MAGI1: variants seen among roughly 807,000 people sequenced by gnomAD.
The protein encoded by MAGI1 is membrane-associated guanylate kinase, WW and PDZ domain-containing protein 1.
In MAGI1, 58 loss-of-function variants were observed where a neutral mutation model predicts 139.9. That is an observed-to-expected ratio of 0.41 (90% confidence interval 0.34 to 0.52). MAGI1 has a LOEUF of 0.52. MAGI1 is among the 20% of genes least tolerant of loss of function. The pLI is 0.12. For missense variants in MAGI1, 1,874 were observed against 1,901.6 expected, an observed-to-expected ratio of 0.99 and a Z score of 0.27; for synonymous variants, 812 against 737.9, an observed-to-expected ratio of 1.10 and a Z score of -1.63.
At chr3:65,642,246 G>T (rs1441176149) in intron 1 of MAGI1, among the ~76,000 whole-genome samples, 1 of 152,104 alleles carries the variant, frequency 6.6e-6, no homozygotes, top group African/African-American at 2.4e-5. Flanking sequence ...ACCTCAAAAG[G>T]TTTCTTCAAG....
intron 1 of MAGI1, among the ~76,000 whole-genome samples, chr3:66,019,974 T>C (rs891022283): frequency 6.6e-6 from 1 of 152,210 alleles, no homozygotes; most frequent in African/African-American, 2.4e-5. Flanking sequence ...AGATAAGGAC[T>C]GACCCCACCC....
intron 1 of MAGI1, among the ~76,000 whole-genome samples, chr3:65,710,857 A>G (rs961964461): frequency 2.6e-5 from 4 of 152,130 alleles, no homozygotes; most frequent in African/African-American, 9.7e-5. Context: ...TGCTTTCCCA[A>G]TGCCCATTGA....
rs111795430 is a variant in MAGI1 at position 65,930,269 on chromosome 3, T to C, written c.313+107727A>G. ...AGGCGGAGCTTGCAGTGAGCCGAGA[T>C]AGCGCCACTGCACTCCAGCCTGGGC... On this transcript the variant is annotated intron_variant, in intron 1 of 22. Transcript: ENST00000402939. Among the ~76,000 whole-genome samples the C allele has an allele frequency of 5.5e-3, 709 of 129,644 alleles. 3 individuals are homozygous for C. The highest frequency in any genetic ancestry group is 0.02 in the African/African-American group (667 of 33,846). The allele number at this position is 129,644 out of a possible 152,430, so 85.1% of individuals were successfully genotyped here. A position where few individuals can be genotyped will look rare whatever the true frequency, so the allele number is the denominator to read the frequency against.
intron 1 of MAGI1, among the ~76,000 whole-genome samples, chr3:65,680,792 TGATA>T (rs1311531110): frequency 4.4e-5 from 6 of 136,848 alleles, no homozygotes; most frequent in East Asian, 3.9e-4. Context: ...TGATATGATA[TGATA>T]TACTTTAATA....
intron 8 of MAGI1, among the ~76,000 whole-genome samples, chr3:65,441,942 A>C (rs1451668296): frequency 2.0e-5 from 3 of 152,214 alleles, no homozygotes; most frequent in Non-Finnish European, 2.9e-5. Context: ...AGCATAAAGG[A>C]AAGAAAATAT....
intron 2 of MAGI1, among the ~76,000 whole-genome samples, chr3:65,565,871 AAAAG>A (rs1443386669): frequency 2.0e-5 from 3 of 149,158 alleles, no homozygotes; most frequent in African/African-American, 4.9e-5. Context: ...AAAAAAAAAA[AAAAG>A]AAACATTGCT....
intron 2 of MAGI1, among the ~76,000 whole-genome samples, chr3:65,508,310 A>G (rs1016571136): frequency 1.3e-5 from 2 of 152,076 alleles, no homozygotes; most frequent in Non-Finnish European, 2.9e-5. Context: ...AGGCTGAGGC[A>G]GGAGAATGGC....
At chr3:65,361,476 A>C (rs1559886764) in intron 21 of MAGI1, 139 bp from the exon 22 acceptor site, 3 of 736,560 alleles carry the variant, frequency 4.1e-6, no homozygotes, top group Non-Finnish European at 6.6e-6. Context: ...GCCCTCATGG[A>C]GATTATATTC....
intron 1 of MAGI1, among the ~76,000 whole-genome samples, chr3:65,720,551 T>A (rs1225269502): frequency 6.6e-6 from 1 of 152,134 alleles, no homozygotes; most frequent in African/African-American, 2.4e-5. Context: ...ACTTCTAGAA[T>A]GTTAGCTCAC....
intron 1 of MAGI1, among the ~76,000 whole-genome samples, chr3:65,822,959 A>T (rs1559916566): frequency 6.6e-6 from 1 of 152,216 alleles, no homozygotes; most frequent in Non-Finnish European, 1.5e-5. Context: ...GATCCAAACC[A>T]TATCACCAAC....
chr3:65,935,411 G>T (rs765826210), intron 1 of MAGI1, among the ~76,000 whole-genome samples: 3 of 152,178 alleles, frequency 2.0e-5, no homozygotes, highest in African/African-American at 7.2e-5. Context: ...AGGTGGGCAG[G>T]AGTTCATGAT....
At chr3:65,905,993 A>C (rs1488323071) in intron 1 of MAGI1, among the ~76,000 whole-genome samples, 1 of 152,182 alleles carries the variant, frequency 6.6e-6, no homozygotes, top group African/African-American at 2.4e-5. Context: ...TCCACAATTA[A>C]GGCATTCTCT....
At chr3:65,417,410 A>G (rs1559537115) in intron 12 of MAGI1, among the ~76,000 whole-genome samples, 1 of 152,218 alleles carries the variant, frequency 6.6e-6, no homozygotes, top group Non-Finnish European at 1.5e-5. Flanking sequence ...GGGAAACATT[A>G]TCCAAAGTTG....
intron 1 of MAGI1, among the ~76,000 whole-genome samples, chr3:65,766,051 C>T (rs150254596): frequency 6.6e-6 from 1 of 152,286 alleles, no homozygotes; most frequent in South Asian, 2.1e-4. Context: ...GTATCCCTAA[C>T]ATTTTCCTGC....
At chr3:65,911,464 T>C (rs2061667029) in intron 1 of MAGI1, among the ~76,000 whole-genome samples, 1 of 152,160 alleles carries the variant, frequency 6.6e-6, no homozygotes, top group South Asian at 2.1e-4. Context: ...TCTCAGATCC[T>C]GTAAACTGCT....
intron 1 of MAGI1, among the ~76,000 whole-genome samples, chr3:65,798,807 C>T (rs963224696): frequency 1.3e-5 from 2 of 152,144 alleles, no homozygotes; most frequent in Non-Finnish European, 2.9e-5. Context: ...AGTTTTAAAT[C>T]ATGCACCGTC....
intron 1 of MAGI1, among the ~76,000 whole-genome samples, chr3:65,797,715 C>CA (rs1319685753): frequency 6.6e-6 from 1 of 150,560 alleles, no homozygotes; most frequent in Non-Finnish European, 1.5e-5. Flanking sequence ...GACCCAGTCT[C>CA]AAAAAAAAGA....
intron 1 of MAGI1, among the ~76,000 whole-genome samples, chr3:65,693,494 T>C (rs1218997229): frequency 6.6e-6 from 1 of 152,124 alleles, no homozygotes; most frequent in Non-Finnish European, 1.5e-5. Context: ...CCAAGTGAGA[T>C]TCTAAAGACA....
At chr3:65,530,656 T>TATATACATATATATATAC in intron 2 of MAGI1, among the ~76,000 whole-genome samples, 2 of 134,760 alleles carry the variant, frequency 1.5e-5, no homozygotes, top group Admixed American at 1.5e-4. Context: ...TGTGTGTGTG[T>TATATACATATATATATAC]GTGTGTATAT....
Sources: gnomAD v4.1 joint callset for allele counts (sites outside exome capture counted in the v4.1 genomes callset) on GRCh38, gnomAD v4.1.1 for gene constraint, MANE v1.5 for transcripts, NCBI Gene and HGNC (gene_info 2026-07-23, HGNC 2026-07-21) for gene names.